The following NOL10 variants were observed in gnomAD, a reference collection of about 807,000 sequenced individuals.
The protein encoded by NOL10 is H_NH0074G24.1.
NOL10 carries 58 observed loss-of-function variants against 103.5 expected under a neutral mutation model. The observed-to-expected ratio is 0.56, with a 90% CI of 0.45 to 0.70. The LOEUF (loss-of-function observed/expected upper bound fraction) is 0.70. NOL10 is among the 30% of genes least tolerant of loss of function. NOL10 has a pLI of 0.00. For missense variants in NOL10, 763 were observed against 807.3 expected, an observed-to-expected ratio of 0.95 and a Z score of 0.67; for synonymous variants, 287 against 282.5, an observed-to-expected ratio of 1.02 and a Z score of -0.16.
rs772127698 is a variant in NOL10 at position 10,689,892 on chromosome 2, T to G, written c.-31A>C. On this transcript the variant is annotated 5_prime_UTR_variant, in exon 1 of 21. Coordinates refer to ENST00000381685, the MANE Select transcript of NOL10 (RefSeq NM_024894.4). ...CGCACAACACTGTTCAAGTCCCGGG[T>G]CCTTTCCCACCAGCGTGCTCGAGCA... The G allele has an allele frequency of 3.8e-6, 6 of 1,581,556 alleles. No individual in the cohort carries two copies. Among genetic ancestry groups the G allele is most frequent in the South Asian group, 1.2e-5 (1 of 86,936 alleles).
At chr2:10,597,706 A>T (rs1181350540) in intron 17 of NOL10, among the ~76,000 whole-genome samples, 1 of 152,226 alleles carries the variant, frequency 6.6e-6, no homozygotes, top group East Asian at 1.9e-4. Flanking sequence ...ACCAACAAGA[A>T]GATTAGGGGC....
chr2:10,594,239 C>T (rs1190871211), intron 17 of NOL10, among the ~76,000 whole-genome samples: 3 of 152,106 alleles, frequency 2.0e-5, no homozygotes, highest in Admixed American at 2.0e-4. Context: ...CTAGCAACTT[C>T]CCGAGGAAAA....
intron 13 of NOL10, among the ~76,000 whole-genome samples, chr2:10,610,003 C>G (rs1204767903): frequency 1.3e-5 from 2 of 152,092 alleles, no homozygotes; most frequent in African/African-American, 2.4e-5. Context: ...AGTACTAAAA[C>G]TGAAAGGGTC....
At chr2:10,586,409 C>A (rs1205741545) in intron 19 of NOL10, among the ~76,000 whole-genome samples, 1 of 151,930 alleles carries the variant, frequency 6.6e-6, no homozygotes, top group Non-Finnish European at 1.5e-5. Flanking sequence ...ATGCTTTAAG[C>A]AGATGAATTG....
chr2:10,667,092 C>T (rs1287018865), intron 8 of NOL10, 126 bp downstream of exon 8: 5 of 661,116 alleles, frequency 7.6e-6, no homozygotes, highest in South Asian at 1.8e-5. Context: ...TGTTACTCTA[C>T]AGGATGTTCA....
At chr2:10,665,487 TTTG>T (rs1680512402) in intron 8 of NOL10, among the ~76,000 whole-genome samples, 1 of 152,308 alleles carries the variant, frequency 6.6e-6, no homozygotes, top group South Asian at 2.1e-4. Flanking sequence ...GTAAAATGAA[TTTG>T]TTAAGCCTGA....
At chr2:10,618,541 G>A (rs921669395) in intron 13 of NOL10, among the ~76,000 whole-genome samples, 7 of 152,170 alleles carry the variant, frequency 4.6e-5, no homozygotes, top group Non-Finnish European at 7.3e-5. Context: ...TTGCAAAGTC[G>A]TGTGTTTGCA....
chr2:10,657,259 A>C (rs1347525877), intron 11 of NOL10, among the ~76,000 whole-genome samples: 2 of 152,130 alleles, frequency 1.3e-5, no homozygotes, highest in East Asian at 3.9e-4. Flanking sequence ...CGGAGGTTAC[A>C]GTGAGCTGAG....
At chr2:10,585,560 G>A (rs926719606) in intron 19 of NOL10, among the ~76,000 whole-genome samples, 1 of 152,160 alleles carries the variant, frequency 6.6e-6, no homozygotes, top group African/African-American at 2.4e-5. Flanking sequence ...CTGACGAAGG[G>A]ATATAAACTG....
chr2:10,671,411 T>TG, intron 6 of NOL10, 143 bp downstream of exon 6: 1 of 288,252 alleles, frequency 3.5e-6, no homozygotes, highest in Non-Finnish European at 5.6e-6. Context: ...TTTCTTTTCT[T>TG]TTTTTTTTTT....
rs146577191 is a variant in NOL10, at chr2:10,610,723, G to A, written c.1027-3412C>T. On this transcript the variant is annotated intron_variant, in intron 13 of 20. Coordinates refer to ENST00000381685, the MANE Select transcript of NOL10 (RefSeq NM_024894.4). ...CTCTCTGATGTAGCTACATCACAGC[G>A]TCAATGTGTAAAATGTCTTTATTGC... 9.4e-3 allele frequency among the ~76,000 whole-genome samples: 1,432 copies of A among 152,246 alleles called. 9 individuals are homozygous for A. The highest frequency in any genetic ancestry group is 0.017 in the Middle Eastern group (5 of 294).
chr2:10,620,244 GC>G (rs1439614646), intron 13 of NOL10, among the ~76,000 whole-genome samples: 5 of 151,980 alleles, frequency 3.3e-5, no homozygotes, highest in Non-Finnish European at 7.4e-5. Context: ...TATTCTTATT[GC>G]TTTCTAATTC....
At chr2:10,606,163 C>T (rs1465374427) in intron 14 of NOL10, among the ~76,000 whole-genome samples, 1 of 150,976 alleles carries the variant, frequency 6.6e-6, no homozygotes, top group Non-Finnish European at 1.5e-5. Context: ...GGCACGGACT[C>T]TTGGATTTAA....
intron 8 of NOL10, 66 bp from the exon 9 acceptor site, chr2:10,663,110 T>A: frequency 7.5e-7 from 1 of 1,326,788 alleles, no homozygotes; most frequent in Non-Finnish European, 1.1e-6. Flanking sequence ...CTCATGCCTG[T>A]AATCCCAGCA....
At position 10,689,879 on chromosome 2, in the gene NOL10, T is replaced by G; in HGVS notation, c.-18A>C. On this transcript the variant is annotated 5_prime_UTR_variant, in exon 1 of 21. Coordinates refer to ENST00000381685, the MANE Select transcript of NOL10 (RefSeq NM_024894.4). ...ACCTGCATGGCGCCGCACAACACTG[T>G]TCAAGTCCCGGGTCCTTTCCCACCA... 6.3e-7 allele frequency: 1 copy of G among 1,598,532 alleles called. No individual in the cohort carries two copies. Among genetic ancestry groups the G allele is most frequent in the Admixed American group, 1.7e-5 (1 of 57,638 alleles).
At chr2:10,590,071 G>A (rs886773880) in intron 17 of NOL10, among the ~76,000 whole-genome samples, 54 of 94,402 alleles carry the variant, frequency 5.7e-4, no homozygotes, top group Middle Eastern at 4.1e-3. Context: ...ACATTTTAAT[G>A]CAAAAAAACA....
intron 12 of NOL10, among the ~76,000 whole-genome samples, chr2:10,645,212 A>G (rs909176456): frequency 6.6e-6 from 1 of 152,226 alleles, no homozygotes; most frequent in African/African-American, 2.4e-5. Flanking sequence ...TGTTAAAGCT[A>G]AAGTCAAACT....
intron 13 of NOL10, among the ~76,000 whole-genome samples, chr2:10,619,012 G>C (rs1676982654): frequency 2.0e-5 from 3 of 152,148 alleles, no homozygotes; most frequent in African/African-American, 7.2e-5. Flanking sequence ...ACCTAACGGA[G>C]GTTTATAAAC....
At chr2:10,592,906 T>C (rs576236225) in intron 17 of NOL10, among the ~76,000 whole-genome samples, 1 of 152,228 alleles carries the variant, frequency 6.6e-6, no homozygotes, top group Non-Finnish European at 1.5e-5. Flanking sequence ...TAGCTATTAA[T>C]GTTCTATAGG....
Sources: gnomAD v4.1 joint callset for allele counts (sites outside exome capture counted in the v4.1 genomes callset) on GRCh38, gnomAD v4.1.1 for gene constraint, MANE v1.5 for transcripts, NCBI Gene and HGNC (gene_info 2026-07-23, HGNC 2026-07-21) for gene names.